SMG6: variants seen among roughly 807,000 people sequenced by gnomAD.
The protein encoded by SMG6 is telomerase-binding protein EST1A.
SMG6 carries 66 observed loss-of-function variants against 142.2 expected under a neutral mutation model. The observed-to-expected ratio is 0.46, with a 90% confidence interval of 0.38 to 0.57. SMG6 has a LOEUF of 0.57. Among genes scored for constraint, SMG6 ranks in the 20% least tolerant of loss-of-function variants. The pLI is 0.00. For synonymous variants in SMG6, 779 were observed against 702.4 expected (o/e 1.11, Z -1.72); for missense variants, 1,793 against 1,832.0 (o/e 0.98, Z 0.39).
intron 13 of SMG6, among the ~76,000 whole-genome samples, chr17:2,112,425 A>G (rs192840538): frequency 0.016 from 2,392 of 151,444 alleles, 63 homozygotes; most frequent in African/African-American, 0.051. Flanking sequence ...GGAGAATGGC[A>G]TGAACCCGGG....
intron 15 of SMG6, among the ~76,000 whole-genome samples, chr17:2,074,934 CTG>C (rs1197430801): frequency 6.6e-6 from 1 of 152,196 alleles, no homozygotes; most frequent in East Asian, 1.9e-4. Flanking sequence ...CCTGGCCACT[CTG>C]TGGGAAGCCA....
At position 2,292,559 on chromosome 17, in the gene SMG6, A is replaced by G; in HGVS notation, c.2330T>C (p.Val777Ala). The change falls in exon 6 of 19, where the codon GTG becomes GCG. Residue 777 changes from valine (V) to alanine (A), a missense_variant. This residue lies in a region of SMG6 where 1,597 missense variants were observed against 1,584.6 expected (regional missense o/e 1.01). Transcript: ENST00000263073. ...GTCCACAGGATTTCTTACCGTATAC[A>G]CTGCCAGCAAAGCCAACTGGTTATA... ...RPYNQLALLA[V>A]YTRRKLDAVY... 1 of 1,614,202 alleles carries G rather than the reference A, an allele frequency of 6.2e-7. No homozygotes were observed. Among genetic ancestry groups the G allele is most frequent in the Non-Finnish European group, 8.5e-7 (1 of 1,180,026 alleles).
intron 10 of SMG6, 110 bp from the exon 11 acceptor site, chr17:2,188,625 C>T: frequency 3.3e-6 from 3 of 910,458 alleles, no homozygotes; most frequent in Non-Finnish European, 5.2e-6. Flanking sequence ...TAGTGATATT[C>T]CCTCTCTCAG....
At chr17:2,285,607 G>C (rs1199126175) in intron 6 of SMG6, among the ~76,000 whole-genome samples, 1 of 152,154 alleles carries the variant, frequency 6.6e-6, no homozygotes, top group Non-Finnish European at 1.5e-5. Context: ...AGGAGGCAGA[G>C]GGAGGAGGCT....
chr17:2,135,686 C>T (rs916599717), intron 13 of SMG6, among the ~76,000 whole-genome samples: 15 of 152,130 alleles, frequency 9.9e-5, no homozygotes, highest in Admixed American at 5.2e-4. Flanking sequence ...TTTTAATTAA[C>T]TAAGTTTTGA....
intron 12 of SMG6, among the ~76,000 whole-genome samples, chr17:2,175,924 T>C (rs928045645): frequency 2.0e-5 from 3 of 152,140 alleles, no homozygotes; most frequent in African/African-American, 7.2e-5. Context: ...ATTCATATCA[T>C]CAGTTATCTC....
At chr17:2,271,860 C>T (rs1322761240) in intron 8 of SMG6, among the ~76,000 whole-genome samples, 3 of 152,138 alleles carry the variant, frequency 2.0e-5, no homozygotes, top group Non-Finnish European at 4.4e-5. Flanking sequence ...GTTCAAAATG[C>T]CTAAGTGCAT....
intron 13 of SMG6, among the ~76,000 whole-genome samples, chr17:2,131,602 A>G (rs1310081100): frequency 6.6e-6 from 1 of 152,096 alleles, no homozygotes. Flanking sequence ...GCCCAGCCAG[A>G]AAGGATTTCT....
chr17:2,095,359 T>C (rs574335924), intron 13 of SMG6, among the ~76,000 whole-genome samples: 1 of 152,336 alleles, frequency 6.6e-6, no homozygotes, highest in South Asian at 2.1e-4. Context: ...CTTAGGTTTG[T>C]GTTTAGGCTC....
chr17:2,142,612 A>G (rs2070517326), intron 13 of SMG6, among the ~76,000 whole-genome samples: 1 of 150,770 alleles, frequency 6.6e-6, no homozygotes, highest in Non-Finnish European at 1.5e-5. Context: ...GGCCGGGCAC[A>G]GTGGCTCACG....
rs553763781 is a variant in SMG6, at chr17:2,300,634, G to C, written c.119C>G (p.Pro40Arg). 3 of 1,598,386 alleles carry C rather than the reference G, an allele frequency of 1.9e-6. No individual in the cohort carries two copies. Among genetic ancestry groups the C allele is most frequent in the African/African-American group, 1.4e-5 (1 of 73,568 alleles). The part of the protein sequence containing the change: ...ENMKELKEAR[P>R]RKDNRRPDLE... Reference sequence around the variant, plus strand: ...ATCTGGACGCCTGTTATCTTTGCGCGGCCTGGCCTCCTTTAATTCCTTCAT... The same window carrying C: ...ATCTGGACGCCTGTTATCTTTGCGCCGCCTGGCCTCCTTTAATTCCTTCAT... The change falls in exon 2 of 19, where the codon CCG becomes CGG. Residue 40 changes from proline (P) to arginine (R), a missense_variant. Physicochemically the swap from Pro to Arg is moderately radical, Grantham distance 103. This residue lies in a region of SMG6 where 1,597 missense variants were observed against 1,584.6 expected (regional missense o/e 1.01). Coordinates refer to ENST00000263073, the MANE Select transcript of SMG6 (RefSeq NM_017575.5).
chr17:2,301,262 A>G (rs2075271607), intron 1 of SMG6, among the ~76,000 whole-genome samples: 1 of 152,206 alleles, frequency 6.6e-6, no homozygotes, highest in African/African-American at 2.4e-5. Flanking sequence ...CAAGATACCA[A>G]TTACCAAATA....
chr17:2,079,408 G>A (rs1462612738), intron 15 of SMG6, among the ~76,000 whole-genome samples: 1 of 152,196 alleles, frequency 6.6e-6, no homozygotes, highest in African/African-American at 2.4e-5. Flanking sequence ...GCCGTGGCGG[G>A]CAGATCACGA....
chr17:2,198,384 G>A (rs1007378816), intron 10 of SMG6, among the ~76,000 whole-genome samples: 7 of 152,202 alleles, frequency 4.6e-5, no homozygotes, highest in Admixed American at 4.6e-4. Flanking sequence ...GCAGGAAGGA[G>A]CTTTGAGTGT....
chr17:2,099,259 A>G (rs1458594079), intron 13 of SMG6, among the ~76,000 whole-genome samples: 1 of 151,954 alleles, frequency 6.6e-6, no homozygotes, highest in Admixed American at 6.6e-5. Context: ...ACACTCGGAG[A>G]TGCTACCTTC....
rs781377326 is a variant in SMG6 at position 2,120,111 on chromosome 17, A to G, written c.3358-34210T>C. On this transcript the variant is annotated intron_variant, in intron 13 of 18. Transcript: ENST00000263073. The stretch of plus-strand genomic sequence containing the variant: ...GCGTGAGCCACCGCGCCCGGCCTCC[A>G]TACAGCGCTTAGAGGAGAACCGAGT... Among the ~76,000 whole-genome samples the G allele has an allele frequency of 9.3e-4, 142 of 152,364 alleles. 1 individual carries two copies. Among genetic ancestry groups the G allele is most frequent in the Admixed American group, 2.2e-3 (33 of 15,298 alleles).
intron 10 of SMG6, among the ~76,000 whole-genome samples, chr17:2,228,972 G>T (rs531479911): frequency 1.3e-5 from 2 of 152,112 alleles, no homozygotes; most frequent in African/African-American, 4.8e-5. Flanking sequence ...ACAAAAAGTA[G>T]CACAGTCTCT....
intron 8 of SMG6, among the ~76,000 whole-genome samples, chr17:2,249,558 A>G (rs934467414): frequency 1.3e-5 from 2 of 151,882 alleles, no homozygotes; most frequent in African/African-American, 4.8e-5. Context: ...TCCTGGCTTC[A>G]AGCAATCCTC....
At chr17:2,133,573 G>C (rs755740549) in intron 13 of SMG6, among the ~76,000 whole-genome samples, 3 of 152,162 alleles carry the variant, frequency 2.0e-5, no homozygotes, top group Admixed American at 6.5e-5. Context: ...GTCTCAATAT[G>C]TCACCCAGGG....
Sources: gnomAD v4.1 joint callset for allele counts (sites outside exome capture counted in the v4.1 genomes callset) on GRCh38, gnomAD v4.1.1 for gene constraint, gnomAD v4.1.1 regional missense constraint, MANE v1.5 for transcripts, NCBI Gene and HGNC (gene_info 2026-07-23, HGNC 2026-07-21) for gene names.